Variants in MYT1L observed in about 807,000 individuals in gnomAD.
MYT1L encodes myelin transcription factor 1-like protein.
In MYT1L, 12 loss-of-function variants were observed where a neutral mutation model predicts 126.7. The ratio of observed to expected loss-of-function variants is 0.09; its 90% confidence interval spans 0.06 to 0.15. The LOEUF is 0.15. Ranked by LOEUF, MYT1L falls within the 10% of genes least tolerant of loss-of-function variation. The pLI is 1.00. For missense variants in MYT1L, 979 were observed against 1,585.2 expected, an observed-to-expected ratio of 0.62 and a Z score of 6.49; for synonymous variants, 541 against 604.2, an observed-to-expected ratio of 0.90 and a Z score of 1.53.
intron 3 of MYT1L, among the ~76,000 whole-genome samples, chr2:2,098,665 C>T (rs2077711269): frequency 6.6e-6 from 1 of 152,152 alleles, no homozygotes; most frequent in Admixed American, 6.5e-5. Context: ...AATTTCCTGG[C>T]CCATCAACTT....
At chr2:1,813,028 A>T (rs953984157) in intron 21 of MYT1L, among the ~76,000 whole-genome samples, 5 of 152,200 alleles carry the variant, frequency 3.3e-5, no homozygotes, top group African/African-American at 1.2e-4. Flanking sequence ...CGTGTGGCCC[A>T]GCCCGGCTCA....
At chr2:2,066,454 C>A (rs1037711273) in intron 3 of MYT1L, among the ~76,000 whole-genome samples, 1 of 152,220 alleles carries the variant, frequency 6.6e-6, no homozygotes, top group African/African-American at 2.4e-5. Context: ...ACCTCACTTT[C>A]CTCATCATTA....
chr2:1,914,675 T>G (rs746930412), intron 11 of MYT1L, among the ~76,000 whole-genome samples: 115 of 152,184 alleles, frequency 7.6e-4, no homozygotes, highest in Admixed American at 1.2e-3. Flanking sequence ...CAGCTTTCTG[T>G]ACAGATTATC....
At chr2:2,189,600 A>C (rs2092443203) in intron 2 of MYT1L, among the ~76,000 whole-genome samples, 1 of 152,220 alleles carries the variant, frequency 6.6e-6, no homozygotes, top group Admixed American at 6.5e-5. Flanking sequence ...TTAATAACTA[A>C]AAAGCAAATA....
intron 13 of MYT1L, among the ~76,000 whole-genome samples, chr2:1,904,569 C>T (rs2050783442): frequency 1.3e-5 from 2 of 151,860 alleles, no homozygotes; most frequent in East Asian, 1.9e-4. Flanking sequence ...CAGGGTTTCA[C>T]CATGTTGGCC....
intron 2 of MYT1L, among the ~76,000 whole-genome samples, chr2:2,210,438 A>G (rs993623864): frequency 3.3e-5 from 5 of 152,092 alleles, no homozygotes; most frequent in Non-Finnish European, 7.4e-5. Context: ...GCAAGAGATA[A>G]GGGTCAAGTT....
intron 3 of MYT1L, among the ~76,000 whole-genome samples, chr2:2,084,050 T>A (rs943970922): frequency 3.0e-4 from 35 of 116,044 alleles, no homozygotes; most frequent in Admixed American, 6.2e-4. Context: ...TAACAAGGAA[T>A]GGAAAGTTCA....
intron 18 of MYT1L, among the ~76,000 whole-genome samples, chr2:1,854,280 G>A (rs1424028203): frequency 4.6e-5 from 7 of 152,014 alleles, no homozygotes; most frequent in Non-Finnish European, 1.0e-4. Context: ...TGTGAGTTTT[G>A]TTTTGTTTAT....
intron 2 of MYT1L, among the ~76,000 whole-genome samples, chr2:2,242,216 A>T (rs2094453213): frequency 6.6e-6 from 1 of 152,230 alleles, no homozygotes; most frequent in African/African-American, 2.4e-5. Flanking sequence ...GTCCATGAGT[A>T]CAGAGACCAG....
intron 9 of MYT1L, among the ~76,000 whole-genome samples, chr2:1,934,350 AT>A (rs1252328520): frequency 6.7e-6 from 1 of 149,036 alleles, no homozygotes; most frequent in Non-Finnish European, 1.5e-5. Flanking sequence ...TTCATATGAC[AT>A]GTATTTTCTA....
intron 2 of MYT1L, among the ~76,000 whole-genome samples, chr2:2,211,824 A>G (rs2093526484): frequency 6.7e-6 from 1 of 148,974 alleles, no homozygotes; most frequent in Non-Finnish European, 1.5e-5. Context: ...AAAAAAAACC[A>G]AACAAAAAAA....
chr2:1,911,888 T>C (rs533188629), intron 12 of MYT1L, 132 bp downstream of exon 12: 2 of 577,406 alleles, frequency 3.5e-6, no homozygotes, highest in Admixed American at 7.1e-5. Flanking sequence ...TCCCGTGCAT[T>C]ATATGGAGGT....
chr2:1,936,737 T>A (rs941627073), intron 9 of MYT1L, among the ~76,000 whole-genome samples: 1 of 152,168 alleles, frequency 6.6e-6, no homozygotes, highest in African/African-American at 2.4e-5. Flanking sequence ...CAGGAGAGGA[T>A]AATTGGCTAA....
chr2:2,046,357 G>A (rs2068188944), intron 4 of MYT1L, among the ~76,000 whole-genome samples: 1 of 152,036 alleles, frequency 6.6e-6, no homozygotes, highest in Non-Finnish European at 1.5e-5. Context: ...CATTAAAAAA[G>A]CAAATTTATC....
intron 5 of MYT1L, among the ~76,000 whole-genome samples, chr2:1,983,146 C>T (rs1222204348): frequency 1.3e-5 from 2 of 152,088 alleles, no homozygotes; most frequent in Non-Finnish European, 2.9e-5. Flanking sequence ...AAATTCCTGC[C>T]ACAGTTGGGT....
intron 8 of MYT1L, among the ~76,000 whole-genome samples, chr2:1,945,547 G>A (rs1436863980): frequency 1.3e-5 from 2 of 152,174 alleles, no homozygotes; most frequent in African/African-American, 4.8e-5. Flanking sequence ...ATTGCCCATG[G>A]CAGGTCTTGT....
chr2:2,083,484 G>C (rs1039662039), intron 3 of MYT1L, among the ~76,000 whole-genome samples: 3 of 152,220 alleles, frequency 2.0e-5, no homozygotes, highest in African/African-American at 4.8e-5. Context: ...CTACCACACA[G>C]TCTGAAGTGA....
chr2:1,945,550 G>A (rs1194609717), intron 8 of MYT1L, among the ~76,000 whole-genome samples: 2 of 152,164 alleles, frequency 1.3e-5, no homozygotes, highest in East Asian at 3.9e-4. Context: ...GCCCATGGCA[G>A]GTCTTGTTGG....
chr2:1,956,687 AC>A (rs985569103), intron 8 of MYT1L, among the ~76,000 whole-genome samples: 2 of 152,000 alleles, frequency 1.3e-5, no homozygotes, highest in African/African-American at 4.8e-5. Context: ...CATCATGATT[AC>A]CTGTCTATCT....
Sources: allele counts gnomAD v4.1 joint callset (sites outside exome capture counted in the v4.1 genomes callset), GRCh38; gene constraint gnomAD v4.1.1; transcripts MANE v1.5; gene names NCBI Gene and HGNC (gene_info 2026-07-23, HGNC 2026-07-21).